CLVS1: variants seen among roughly 807,000 people sequenced by gnomAD.
CLVS1 encodes the protein clavesin 1, also known as clavesin-1.
Under a neutral mutation model 33.1 loss-of-function variants are expected in CLVS1, and 10 were observed. That is an observed-to-expected ratio of 0.30 (90% CI 0.19 to 0.51). CLVS1 has a LOEUF of 0.51. CLVS1 is among the 20% of genes least tolerant of loss of function. CLVS1 has a pLI of 0.97. For missense variants in CLVS1, 343 were observed against 433.4 expected, an observed-to-expected ratio of 0.79 and a Z score of 1.85; for synonymous variants, 163 against 166.1, an observed-to-expected ratio of 0.98 and a Z score of 0.14.
chr8:61,398,946 T>A (rs2129603449), intron 3 of CLVS1, among the ~76,000 whole-genome samples: 1 of 152,368 alleles, frequency 6.6e-6, no homozygotes, highest in Middle Eastern at 3.4e-3. Context: ...TTATCCAGTC[T>A]ATCATTGATG....
At chr8:61,462,522 A>G (rs1316669613) in intron 5 of CLVS1, among the ~76,000 whole-genome samples, 1 of 152,022 alleles carries the variant, frequency 6.6e-6, no homozygotes, top group Non-Finnish European at 1.5e-5. Flanking sequence ...GCTGAAATGT[A>G]TTTCTTAAGT....
chr8:60,965,532 G>A, the CLVS1 span, among the ~76,000 whole-genome samples: 3 of 152,046 alleles, frequency 2.0e-5, no homozygotes, highest in South Asian at 2.1e-4. Flanking sequence ...AAGAGCACTC[G>A]GGAGCCCCAT....
At chr8:61,465,996 C>T (rs1817535763) in intron 5 of CLVS1, among the ~76,000 whole-genome samples, 1 of 152,090 alleles carries the variant, frequency 6.6e-6, no homozygotes, top group South Asian at 2.1e-4. Flanking sequence ...TTCAGAAGTC[C>T]ACTTCTTTGC....
At chr8:61,078,356 G>T (rs1382553786) in intron 1 of CLVS1, among the ~76,000 whole-genome samples, 2 of 152,182 alleles carry the variant, frequency 1.3e-5, no homozygotes, top group African/African-American at 4.8e-5. Flanking sequence ...GGGGACACCT[G>T]GCTACTTAGA....
chr8:61,117,408 G>A (rs1805750840), intron 1 of CLVS1, among the ~76,000 whole-genome samples: 1 of 151,922 alleles, frequency 6.6e-6, no homozygotes, highest in Non-Finnish European at 1.5e-5. Context: ...TCAACACTAT[G>A]TTGAATAGGA....
chr8:61,086,214 G>A lies in CLVS1; in HGVS notation c.-243+28984G>A, dbSNP rs549883219. 5.3e-5 allele frequency among the ~76,000 whole-genome samples: 8 copies of A among 151,516 alleles called. No homozygotes were observed. In the East Asian group the frequency reaches 1.4e-3, roughly 26 times the overall value. On this transcript the variant is annotated intron_variant, in intron 1 of 2. Coordinates refer to the CLVS1 transcript ENST00000522621. ...TGCACTCCAGCCTGGGAGCCAGAGT[G>A]AGACTCTGTCTCAAAAATAAATAAA...
chr8:61,160,417 A>G (rs903803188), intron 2 of CLVS1, among the ~76,000 whole-genome samples: 3 of 152,212 alleles, frequency 2.0e-5, no homozygotes, highest in Non-Finnish European at 4.4e-5. Flanking sequence ...CGAAACAAAA[A>G]CAATTCTACC....
intron 2 of CLVS1, among the ~76,000 whole-genome samples, chr8:61,247,601 T>C (rs1808843005): frequency 6.6e-6 from 1 of 152,234 alleles, no homozygotes; most frequent in South Asian, 2.1e-4. Flanking sequence ...TGTCTTCTTT[T>C]GAGAAGTGTC....
the CLVS1 span, among the ~76,000 whole-genome samples, chr8:60,972,094 T>C: frequency 6.6e-6 from 1 of 152,156 alleles, no homozygotes; most frequent in Non-Finnish European, 1.5e-5. Flanking sequence ...TCATGTCTGG[T>C]GTGCCTTGGC....
intron 2 of CLVS1, among the ~76,000 whole-genome samples, chr8:61,355,743 T>C (rs1277474282): frequency 2.0e-5 from 3 of 148,850 alleles, no homozygotes; most frequent in Non-Finnish European, 2.9e-5. Context: ...GGACATGAAG[T>C]CATCATTTTT....
intron 1 of CLVS1, among the ~76,000 whole-genome samples, chr8:61,077,916 A>G (rs1173505887): frequency 1.3e-5 from 2 of 152,214 alleles, no homozygotes; most frequent in African/African-American, 2.4e-5. Context: ...TGCACTGGGC[A>G]GGAAGGGGGC....
chr8:61,215,682 A>ATGTGTGTGTGTGTGTG (rs72193127), intron 2 of CLVS1, among the ~76,000 whole-genome samples: 19 of 143,826 alleles, frequency 1.3e-4, no homozygotes, highest in South Asian at 4.6e-4. Context: ...GAAATTGAAA[A>ATGTGTGTGTGTGTGTG]TGTGTGTGTG....
intron 2 of CLVS1, among the ~76,000 whole-genome samples, chr8:61,186,366 C>T (rs1207683519): frequency 2.0e-5 from 3 of 152,138 alleles, no homozygotes; most frequent in East Asian, 1.9e-4. Flanking sequence ...GTTGCAGCCC[C>T]CCTCAAGAGA....
chr8:61,311,503 C>T (rs1210183661), intron 2 of CLVS1, among the ~76,000 whole-genome samples: 6 of 152,122 alleles, frequency 3.9e-5, no homozygotes, highest in Admixed American at 6.5e-5. Context: ...AGTTGGGTCT[C>T]GGCTCAGAGA....
chr8:61,033,126 G>GAAAGAAAGAAAGAAAGAAAGAAA, the CLVS1 span, among the ~76,000 whole-genome samples: 3 of 68,732 alleles, frequency 4.4e-5, 1 homozygote, highest in Admixed American at 3.8e-4. Context: ...AAGGAAGAAA[G>GAAAGAAAGAAAGAAAGAAAGAAA]GAAAGAAAGA....
chr8:61,309,187 C>T (rs766724188), intron 2 of CLVS1, among the ~76,000 whole-genome samples: 8 of 152,066 alleles, frequency 5.3e-5, no homozygotes, highest in Non-Finnish European at 1.0e-4. Context: ...ATTCAGTCCT[C>T]GATGTGAGTG....
At chr8:61,052,607 A>G (rs146673779), upstream of CLVS1, among the ~76,000 whole-genome samples, 1 of 152,290 alleles carries the variant, frequency 6.6e-6, no homozygotes, top group Non-Finnish European at 1.5e-5. Context: ...CCTGAGGTAT[A>G]ATCGTGCTGG....
At chr8:60,966,027 G>T in the CLVS1 span, 821 of 173,166 alleles carry the variant, frequency 4.7e-3, 9 homozygotes, top group African/African-American at 0.019. Flanking sequence ...GGCCAGGCTG[G>T]TCTCCAACTC....
chr8:61,279,989 A>G (rs1048284504), intron 2 of CLVS1, among the ~76,000 whole-genome samples: 8 of 137,852 alleles, frequency 5.8e-5, no homozygotes, highest in Non-Finnish European at 1.0e-4. Context: ...TATTTTAAAT[A>G]AGATAAAAAA....
Sources: gnomAD v4.1 joint callset for allele counts (sites outside exome capture counted in the v4.1 genomes callset) on GRCh38, gnomAD v4.1.1 for gene constraint, MANE v1.5 for transcripts, NCBI Gene and HGNC (gene_info 2026-07-23, HGNC 2026-07-21) for gene names.